Variants in CLSTN2 observed in about 807,000 individuals in gnomAD.
CLSTN2 encodes the protein calsyntenin-2.
A neutral mutation model predicts 101.2 loss-of-function variants in CLSTN2; 48 were observed. That is an observed-to-expected ratio of 0.47 (90% CI 0.38 to 0.60). The LOEUF (loss-of-function observed/expected upper bound fraction) is 0.60. Ranked by LOEUF, CLSTN2 falls within the 20% of genes least tolerant of loss-of-function variation. CLSTN2 has a pLI of 0.00. For synonymous variants in CLSTN2, 481 were observed against 463.6 expected (o/e 1.04, Z -0.48); for missense variants, 1,160 against 1,238.2 (o/e 0.94, Z 0.95).
chr3:140,141,276 G>A (rs1037315851), intron 1 of CLSTN2, among the ~76,000 whole-genome samples: 8 of 152,168 alleles, frequency 5.3e-5, no homozygotes, highest in Non-Finnish European at 1.0e-4. Context: ...CTACTGGGAT[G>A]TATACACTGA....
chr3:140,430,227 C>T (rs955019203), intron 5 of CLSTN2, among the ~76,000 whole-genome samples: 1 of 152,064 alleles, frequency 6.6e-6, no homozygotes, highest in Non-Finnish European at 1.5e-5. Context: ...GAGGTTCCAC[C>T]ATTGCAGTAC....
chr3:140,163,349 G>A (rs974700726), intron 1 of CLSTN2, among the ~76,000 whole-genome samples: 1 of 151,572 alleles, frequency 6.6e-6, no homozygotes, highest in Non-Finnish European at 1.5e-5. Context: ...CTGCAGGCCT[G>A]ACCTACAGTT....
intron 6 of CLSTN2, chr3:140,452,711 A>G (rs1351896153): frequency 2.0e-5 from 3 of 152,158 alleles, no homozygotes; most frequent in African/African-American, 7.2e-5. Context: ...GGGCCTAGGG[A>G]AGCATTGGAT....
Position 140,546,550 on chromosome 3 carries a change from T to C in CLSTN2, c.1543T>C (p.Phe515Leu), listed in dbSNP as rs1479685059. Residue 515 changes from phenylalanine to leucine, a missense_variant, in exon 10 of 17, where the codon TTT becomes CTT. Coordinates refer to ENST00000458420, the MANE Select transcript of CLSTN2 (RefSeq NM_022131.3). ...CACCAAACCACAGTTTGCTCAGTTC[T>C]TTCATGGAAGCCTGGCCAGTCTCAC... ...EVTKPQFAQF[F>L]HGSLASLTIR... 2 of 1,614,164 alleles carry C rather than the reference T, an allele frequency of 1.2e-6. No individual in the cohort carries two copies. The highest frequency in any genetic ancestry group is 1.7e-6 in the Non-Finnish European group (2 of 1,179,984).
Position 140,226,957 on chromosome 3 carries a change from C to T in CLSTN2, c.232+50884C>T, listed in dbSNP as rs74781353. On this transcript the variant is annotated intron_variant, in intron 2 of 16. Coordinates refer to ENST00000458420, the MANE Select transcript of CLSTN2 (RefSeq NM_022131.3). ...AATTCAATCACCTCCCACCAGGTCC[C>T]TCTCATGATACTTGGGAATTCAAGA... is the stretch of plus-strand genomic sequence containing the variant. Among the ~76,000 whole-genome samples the T allele has an allele frequency of 3.8e-3, 577 of 152,294 alleles. 4 individuals are homozygous for T. Among genetic ancestry groups the T allele is most frequent in the African/African-American group, 0.013 (531 of 41,550 alleles).
At chr3:140,363,852 A>G (rs2087756006) in intron 2 of CLSTN2, among the ~76,000 whole-genome samples, 1 of 152,182 alleles carries the variant, frequency 6.6e-6, no homozygotes, top group African/African-American at 2.4e-5. Flanking sequence ...TAGGAGACCA[A>G]GTGGGTTACT....
At chr3:140,337,207 T>C (rs1294878640) in intron 2 of CLSTN2, among the ~76,000 whole-genome samples, 1 of 152,204 alleles carries the variant, frequency 6.6e-6, no homozygotes, top group Non-Finnish European at 1.5e-5. Context: ...CACAAACTGG[T>C]TAGCTTCCAC....
At chr3:140,021,566 G>A (rs549154218) in intron 1 of CLSTN2, among the ~76,000 whole-genome samples, 17 of 152,124 alleles carry the variant, frequency 1.1e-4, no homozygotes, top group Non-Finnish European at 2.4e-4. Flanking sequence ...GGTTGTGTGT[G>A]TTTATGAATG....
intron 6 of CLSTN2, 46 bp from the exon 7 acceptor site, chr3:140,459,475 A>G (rs1933502312): frequency 6.2e-7 from 1 of 1,604,458 alleles, no homozygotes; most frequent in Admixed American, 1.7e-5. Flanking sequence ...ACAGATGAGG[A>G]CACCGCATCA....
At chr3:140,026,622 C>G (rs1210509583) in intron 1 of CLSTN2, among the ~76,000 whole-genome samples, 15 of 152,202 alleles carry the variant, frequency 9.9e-5, no homozygotes, top group Non-Finnish European at 2.2e-4. Context: ...AAGTTCCCGC[C>G]CCTCAGGGAT....
chr3:140,167,290 T>C (rs556611835), intron 1 of CLSTN2, among the ~76,000 whole-genome samples: 7 of 152,364 alleles, frequency 4.6e-5, no homozygotes, highest in African/African-American at 1.4e-4. Flanking sequence ...GCTTTTATCA[T>C]TGGGCCTTTG....
chr3:140,039,128 A>G (rs1325688586), intron 1 of CLSTN2, among the ~76,000 whole-genome samples: 1 of 152,188 alleles, frequency 6.6e-6, no homozygotes, highest in Admixed American at 6.6e-5. Flanking sequence ...TACCTGTACC[A>G]TAATTTATTT....
At chr3:139,985,393 C>T (rs919794033) in intron 1 of CLSTN2, among the ~76,000 whole-genome samples, 2 of 152,170 alleles carry the variant, frequency 1.3e-5, no homozygotes, top group African/African-American at 4.8e-5. Context: ...GCTTTTTGAG[C>T]TTTGTTCCCT....
intron 1 of CLSTN2, among the ~76,000 whole-genome samples, chr3:140,014,849 G>A: frequency 6.6e-6 from 1 of 152,214 alleles, no homozygotes; most frequent in East Asian, 1.9e-4. Context: ...TGAAATGGGA[G>A]TGATTGTAGG....
chr3:140,461,439 G>T (rs1028189787), intron 7 of CLSTN2: 2 of 152,164 alleles, frequency 1.3e-5, no homozygotes, highest in African/African-American at 4.8e-5. Flanking sequence ...TGCACATATA[G>T]TCCTTTCTGA....
intron 8 of CLSTN2, among the ~76,000 whole-genome samples, chr3:140,512,436 G>A (rs1210416549): frequency 6.6e-6 from 1 of 152,114 alleles, no homozygotes; most frequent in Non-Finnish European, 1.5e-5. Flanking sequence ...TAGGTGTGTG[G>A]TCTTATTTCT....
intron 11 of CLSTN2, among the ~76,000 whole-genome samples, chr3:140,558,173 C>G (rs140665797): frequency 6.6e-6 from 1 of 152,204 alleles, no homozygotes; most frequent in Non-Finnish European, 1.5e-5. Flanking sequence ...GCACTTTGCT[C>G]TCACACCTAG....
At chr3:139,968,401 C>T (rs1935639591) in intron 1 of CLSTN2, among the ~76,000 whole-genome samples, 1 of 152,220 alleles carries the variant, frequency 6.6e-6, no homozygotes, top group Admixed American at 6.5e-5. Flanking sequence ...ATGGCTACCA[C>T]CTTCAGAGGT....
At chr3:140,043,076 C>T (rs1473666024) in intron 1 of CLSTN2, among the ~76,000 whole-genome samples, 1 of 152,152 alleles carries the variant, frequency 6.6e-6, no homozygotes, top group Non-Finnish European at 1.5e-5. Flanking sequence ...ATGTCTAGTT[C>T]TAGATCCCTG....
Sources: gnomAD v4.1 joint callset for allele counts (sites outside exome capture counted in the v4.1 genomes callset) on GRCh38, gnomAD v4.1.1 for gene constraint, MANE v1.5 for transcripts, NCBI Gene and HGNC (gene_info 2026-07-23, HGNC 2026-07-21) for gene names.